The following ARRB2 variants were observed in gnomAD, a reference collection of about 807,000 sequenced individuals.
ARRB2 encodes beta-arrestin-2.
Under a neutral mutation model 53.4 loss-of-function variants are expected in ARRB2, and 21 were observed. The ratio of observed to expected loss-of-function variants is 0.39; its 90% CI spans 0.28 to 0.57. The LOEUF (loss-of-function observed/expected upper bound fraction) is 0.57, where lower values mean the gene tolerates loss of function less well. Ranked by LOEUF, ARRB2 falls within the 20% of genes least tolerant of loss-of-function variation. The probability of loss-of-function intolerance (pLI) is 0.55; values close to 1 mark genes in which losing one functional copy is unlikely to be tolerated. For synonymous variants in ARRB2, 180 were observed against 212.9 expected (o/e 0.85, Z 1.34); for missense variants, 369 against 527.5 (o/e 0.70, Z 2.94).
At chr17:4,711,432 CA>C (rs1475019047) in intron 1 of ARRB2, among the ~76,000 whole-genome samples, 1 of 152,136 alleles carries the variant, frequency 6.6e-6, no homozygotes, top group Non-Finnish European at 1.5e-5. Flanking sequence ...TGGTCTCTAG[CA>C]AAATCCACTT....
chr17:4,719,441 G>C, intron 11 of ARRB2, 21 bp downstream of exon 11: 1 of 1,611,696 alleles, frequency 6.2e-7, no homozygotes, highest in African/African-American at 1.3e-5. Flanking sequence ...GGCTGGGGCG[G>C]GTCCCCTGCA....
chr17:4,715,288 G>A, intron 2 of ARRB2: 2 of 532,260 alleles, frequency 3.8e-6, no homozygotes, highest in East Asian at 3.1e-5. Flanking sequence ...CAGAGGAGGA[G>A]GCCAAAAGCA....
At chr17:4,720,092 G>C in intron 11 of ARRB2, 124 bp from the exon 12 acceptor site, 1 of 957,482 alleles carries the variant, frequency 1.0e-6, no homozygotes, top group African/African-American at 1.6e-5. Flanking sequence ...CACGGCCTGG[G>C]CTGCTGGGGC....
In ARRB2 at chr17:4,721,046, G is replaced by C; in HGVS notation, c.*7G>C. ...TGATGATCAACTCTGCTAGGAAGCG[G>C]GGTGGGAAGAAGGGAGGGGATGGGG... On this transcript the variant is annotated 3_prime_UTR_variant, in exon 15 of 15. Coordinates refer to ENST00000269260, the MANE Select transcript of ARRB2 (RefSeq NM_004313.4). The surrounding 1 kb of genome is among the most constrained non-coding windows in gnomAD (Gnocchi z 4.2). 6.2e-7 allele frequency: 1 copy of C among 1,613,572 alleles called. No homozygotes were observed. Among genetic ancestry groups the C allele is most frequent in the Non-Finnish European group, 8.5e-7 (1 of 1,179,558 alleles).
chr17:4,714,590 G>A (rs2150586431), intron 1 of ARRB2: 1 of 234,106 alleles, frequency 4.3e-6, no homozygotes. Flanking sequence ...GTTAGAAATA[G>A]GAAGGACCTT....
In ARRB2 at chr17:4,720,930, C is replaced by T; in HGVS notation, c.1137-16C>T. On this transcript the variant is annotated splice_polypyrimidine_tract_variant and intron_variant, in intron 14 of 14. Transcript: ENST00000269260. Reference sequence around the variant, plus strand: ...TCAGAAGCCCTCACCTCACAACCCTCTTTCCCACCACCAAGCTATGCCACA... The same window carrying T: ...TCAGAAGCCCTCACCTCACAACCCTTTTTCCCACCACCAAGCTATGCCACA... 2 of 1,613,442 alleles carry T rather than the reference C, an allele frequency of 1.2e-6. No homozygotes were observed. Among genetic ancestry groups the T allele is most frequent in the Non-Finnish European group, 1.7e-6 (2 of 1,179,452 alleles).
At position 4,715,470 on chromosome 17, in the gene ARRB2, A is replaced by AACAC. The variant is rs1164609996; in HGVS notation, c.54+439_54+442dup. 4.4e-5 allele frequency: 9 copies of AACAC among 203,654 alleles called. No homozygotes were observed. In the East Asian group the frequency reaches 5.4e-4, roughly 12 times the overall value. The allele number at this position is 203,654 out of a possible 1,614,324, so 12.6% of individuals were successfully genotyped here. A position where few individuals can be genotyped will look rare whatever the true frequency, so the allele number is the denominator to read the frequency against. ...GGGCTGAGTTCTCCCCGAGGATCCA[A>AACAC]ACACACACACACACAGACACACACA... On this transcript the variant is annotated intron_variant, in intron 2 of 14. Transcript: ENST00000269260.
chr17:4,720,254 T>C lies in ARRB2; in HGVS notation c.956T>C (p.Leu319Pro). ...EGANKEVLGI[L>P]VSYRVKVKLV... is the part of the protein sequence containing the mutation. ...GCCAACAAGGAGGTGCTGGGAATCC[T>C]GGTGTCCTACAGGGTCAAGGTGAAG... is the stretch of plus-strand genomic sequence containing the variant. The change falls in exon 12 of 15, where the codon CTG (leucine) becomes CCG (proline). Residue 319 changes from leucine to proline, a missense_variant. Transcript: ENST00000269260. The C allele has an allele frequency of 3.7e-6, 6 of 1,613,940 alleles. No individual in the cohort carries two copies. The highest frequency in any genetic ancestry group is 5.1e-6 in the Non-Finnish European group (6 of 1,179,924).
chr17:4,718,677 G>C lies in ARRB2; in HGVS notation c.772G>C (p.Glu258Gln). ...AQYKCPVAQLEQDDQVSPSST... is the reference protein window; with the variant it reads ...AQYKCPVAQLQQDDQVSPSST... ...GTACAAGTGTCCTGTGGCTCAACTC[G>C]AACAAGAGTGAGTATCGGGAGAGAC... The change falls in exon 10 of 15, where the codon GAA (glutamate) becomes CAA (glutamine). Residue 258 changes from glutamate to glutamine, a missense_variant. Coordinates refer to ENST00000269260, the MANE Select transcript of ARRB2 (RefSeq NM_004313.4). The C allele has an allele frequency of 1.2e-6, 2 of 1,613,414 alleles. No homozygotes were observed. Among genetic ancestry groups the C allele is most frequent in the Non-Finnish European group, 1.7e-6 (2 of 1,179,802 alleles).
chr17:4,719,234 G>T (rs780648951), intron 10 of ARRB2, 49 bp from the exon 11 acceptor site: 2 of 1,584,020 alleles, frequency 1.3e-6, no homozygotes, highest in Admixed American at 1.7e-5. Context: ...GCCGCCCCTT[G>T]CCCAGCCCAG....
chr17:4,717,089 C>T lies in ARRB2; in HGVS notation c.358-128C>T, dbSNP rs1915151312. On this transcript the variant is annotated intron_variant, in intron 5 of 14. Coordinates refer to ENST00000269260, the MANE Select transcript of ARRB2 (RefSeq NM_004313.4). The surrounding 1 kb of genome is among the most constrained non-coding windows in gnomAD (Gnocchi z 6.0). ...CCTCAGGTGATCCGCCCACCTTAGC[C>T]TTCCAAAGTGTTGGGATTACAGGCA... 2.7e-6 allele frequency: 3 copies of T among 1,113,462 alleles called. No individual in the cohort carries two copies. The highest frequency in any genetic ancestry group is 1.5e-5 in the African/African-American group (1 of 65,348). 69.0% of individuals were successfully genotyped at this position (1,113,462 alleles called of 1,614,324 possible).
In ARRB2 at chr17:4,717,437, G is replaced by A; in HGVS notation, c.417+161G>A. 1 of 961,932 alleles carries A rather than the reference G, an allele frequency of 1.0e-6. No homozygotes were observed. The highest frequency in any genetic ancestry group is 1.6e-6 in the Non-Finnish European group (1 of 621,226). The allele number at this position is 961,932 out of a possible 1,614,324, so 59.6% of individuals were successfully genotyped here. A position where few individuals can be genotyped will look rare whatever the true frequency, so the allele number is the denominator to read the frequency against. ...GTGGGGCGTATGTGGTGGTCATTGTGCACGCATGACACTGCCTCCTGCTCT... is the reference window on the plus strand; with the variant it reads ...GTGGGGCGTATGTGGTGGTCATTGTACACGCATGACACTGCCTCCTGCTCT... On this transcript the variant is annotated intron_variant, in intron 6 of 14. Coordinates refer to ENST00000269260, the MANE Select transcript of ARRB2 (RefSeq NM_004313.4). This position sits in a 1 kb window ranked among gnomAD's most constrained non-coding sequence, Gnocchi z 6.0.
At chr17:4,716,639 G>A (rs762537481) in intron 5 of ARRB2, 31 bp downstream of exon 5, 7 of 1,546,042 alleles carry the variant, frequency 4.5e-6, no homozygotes, top group African/African-American at 2.7e-5. Context: ...TGAGGGCCAG[G>A]GGGCTGGGGC....
chr17:4,712,331 GGC>G (rs1365124310), intron 1 of ARRB2, among the ~76,000 whole-genome samples: 29 of 152,374 alleles, frequency 1.9e-4, no homozygotes, highest in Admixed American at 3.9e-4. Flanking sequence ...TGGACAGCTT[GGC>G]TTTCTGGGAA....
chr17:4,714,264 A>G (rs1164254637), intron 1 of ARRB2, among the ~76,000 whole-genome samples: 1 of 152,234 alleles, frequency 6.6e-6, no homozygotes. Flanking sequence ...CTTAAAAGAC[A>G]AATAGGCTTT....
chr17:4,717,013 T>C lies in ARRB2; in HGVS notation c.358-204T>C, dbSNP rs1303800465. On this transcript the variant is annotated intron_variant, in intron 5 of 14. Coordinates refer to ENST00000269260, the MANE Select transcript of ARRB2 (RefSeq NM_004313.4). This position sits in a 1 kb window ranked among gnomAD's most constrained non-coding sequence, Gnocchi z 6.0. ...CCACACACGACTAATTTTGTATTTT[T>C]AGTAGTGATGGGGTTTTGCCACGTT... 1.6e-6 allele frequency: 1 copy of C among 614,310 alleles called. No individual in the cohort carries two copies. The highest frequency in any genetic ancestry group is 2.9e-6 in the Non-Finnish European group (1 of 348,014). 38.1% of individuals were successfully genotyped at this position (614,310 alleles called of 1,614,324 possible).
chr17:4,719,612 G>C (rs929268721), intron 11 of ARRB2, among the ~76,000 whole-genome samples, 192 bp downstream of exon 11: 13 of 152,124 alleles, frequency 8.5e-5, no homozygotes, highest in Non-Finnish European at 1.6e-4. Context: ...GTATGAAGGA[G>C]AAAAAGCCAG....
Position 4,717,604 on chromosome 17 carries a change from A to T in ARRB2, c.418-81A>T. The T allele has an allele frequency of 6.4e-7, 1 of 1,559,566 alleles. No homozygotes were observed. The highest frequency in any genetic ancestry group is 8.8e-7 in the Non-Finnish European group (1 of 1,132,762). ...AATGAGGCAAGAGTCCCTGCCCGAG[A>T]GGAGGGAAGGGGGAGGAAGAAAGGG... On this transcript the variant is annotated intron_variant, in intron 6 of 14. Transcript: ENST00000269260. This position sits in a 1 kb window ranked among gnomAD's most constrained non-coding sequence, Gnocchi z 6.0.
intron 5 of ARRB2, chr17:4,716,885 A>G: frequency 1.6e-6 from 1 of 638,766 alleles, no homozygotes; most frequent in African/African-American, 1.8e-5. Flanking sequence ...CCCAGGCTGG[A>G]GTGCAGTGGC....
Sources: allele counts gnomAD v4.1 joint callset (sites outside exome capture counted in the v4.1 genomes callset), GRCh38; gene constraint gnomAD v4.1.1; non-coding constraint Gnocchi (gnomAD v3.1); transcripts MANE v1.5; gene names NCBI Gene and HGNC (gene_info 2026-07-23, HGNC 2026-07-21).